The following VPS39 variants were observed in gnomAD, a reference collection of about 807,000 sequenced individuals.
VPS39 encodes VPS39 subunit of HOPS complex.
VPS39 carries 70 observed loss-of-function variants against 121.0 expected under a neutral mutation model. The ratio of observed to expected loss-of-function variants is 0.58; its 90% confidence interval spans 0.48 to 0.71. VPS39 has a LOEUF of 0.71. VPS39 is among the 30% of genes least tolerant of loss of function. The pLI, the probability that VPS39 is intolerant of heterozygous loss-of-function variation, is 0.00. For missense variants in VPS39, 818 were observed against 1,051.5 expected, an observed-to-expected ratio of 0.78 and a Z score of 3.07; for synonymous variants, 378 against 398.1, an observed-to-expected ratio of 0.95 and a Z score of 0.60.
intron 2 of VPS39, among the ~76,000 whole-genome samples, chr15:42,197,396 T>C (rs975646011): frequency 2.4e-5 from 3 of 125,410 alleles, no homozygotes; most frequent in Non-Finnish European, 5.3e-5. Context: ...AAAAAAAAGA[T>C]ACAAAAATGG....
chr15:42,195,125 C>T lies in VPS39; in HGVS notation c.140-3565G>A, dbSNP rs115510394. ...GTAAAGGCCTCAGACATGAACAAATCTAAGCCCTCTCAGTTCAAAATAAGA... is the reference window on the plus strand; with the variant it reads ...GTAAAGGCCTCAGACATGAACAAATTTAAGCCCTCTCAGTTCAAAATAAGA... On this transcript the variant is annotated intron_variant, in intron 2 of 24. Transcript: ENST00000318006. Among the ~76,000 whole-genome samples the T allele has an allele frequency of 7.1e-3, 1,086 of 152,196 alleles. 11 individuals carry two copies. The highest frequency in any genetic ancestry group is 0.025 in the African/African-American group (1,051 of 41,498).
At chr15:42,161,610 C>A in intron 24 of VPS39, 72 bp downstream of exon 24, 1 of 1,470,472 alleles carries the variant, frequency 6.8e-7, no homozygotes, top group South Asian at 1.1e-5. Flanking sequence ...GGCAGAAATC[C>A]ATCCTGAGCG....
At chr15:42,202,202 G>A (rs546033451) in intron 1 of VPS39, among the ~76,000 whole-genome samples, 1 of 152,292 alleles carries the variant, frequency 6.6e-6, no homozygotes, top group South Asian at 2.1e-4. Flanking sequence ...AAACAGGTCA[G>A]CACCTACATT....
intron 11 of VPS39, among the ~76,000 whole-genome samples, chr15:42,170,957 CT>C (rs1328760633): frequency 6.6e-6 from 1 of 151,934 alleles, no homozygotes; most frequent in Non-Finnish European, 1.5e-5. Context: ...TGGTCTTGAA[CT>C]CCTGGGCTCA....
intron 3 of VPS39, 43 bp from the exon 4 acceptor site, chr15:42,191,210 C>T: frequency 6.2e-7 from 1 of 1,604,432 alleles, no homozygotes; most frequent in Non-Finnish European, 8.5e-7. Flanking sequence ...ACATTTCTGA[C>T]AAGGTTTAGC....
chr15:42,165,945 A>C lies in VPS39; in HGVS notation c.1681-129T>G, dbSNP rs1264680848. ...AGGGTACGAGAAGGCATCTGTAGGC[A>C]GTCAGCATGTCAGACGAGGCACAGG... is the stretch of plus-strand genomic sequence containing the variant. On this transcript the variant is annotated intron_variant, in intron 16 of 24. Transcript: ENST00000318006. 3.1e-6 allele frequency: 3 copies of C among 954,978 alleles called. No homozygotes were observed. The Admixed American group carries it at 6.3e-5, about 20-fold the overall frequency. The allele number at this position is 954,978 out of a possible 1,614,324, so 59.2% of individuals were successfully genotyped here.
chr15:42,163,835 T>C, intron 19 of VPS39, 107 bp from the exon 20 acceptor site: 1 of 724,182 alleles, frequency 1.4e-6, no homozygotes, highest in Non-Finnish European at 2.3e-6. Context: ...GGGAAGACAA[T>C]AGGATTCTTA....
chr15:42,166,993 G>A, intron 13 of VPS39, 80 bp from the exon 14 acceptor site: 1 of 1,572,712 alleles, frequency 6.4e-7, no homozygotes, highest in South Asian at 1.2e-5. Flanking sequence ...GCTCTAGGCT[G>A]AAAGGCCAGG....
chr15:42,195,138 G>A (rs1041159472), intron 2 of VPS39, among the ~76,000 whole-genome samples: 2 of 152,134 alleles, frequency 1.3e-5, no homozygotes, highest in African/African-American at 4.8e-5. Context: ...AGCCCTCTCA[G>A]TTCAAAATAA....
intron 1 of VPS39, among the ~76,000 whole-genome samples, chr15:42,204,242 A>T (rs374444627): frequency 6.6e-6 from 1 of 152,272 alleles, no homozygotes; most frequent in East Asian, 1.9e-4. Flanking sequence ...TAAGCCCCCA[A>T]TTAGCTGCAT....
At chr15:42,164,564 T>C in intron 18 of VPS39, 78 bp from the exon 19 acceptor site, 1 of 1,571,672 alleles carries the variant, frequency 6.4e-7, no homozygotes, top group South Asian at 1.2e-5. Flanking sequence ...ATGAAGGGAA[T>C]GGGGTTCAAG....
At chr15:42,184,400 G>A (rs2049655481) in intron 8 of VPS39, 117 bp downstream of exon 8, 7 of 1,074,862 alleles carry the variant, frequency 6.5e-6, no homozygotes, top group Non-Finnish European at 7.7e-6. Flanking sequence ...AAGGGGAACT[G>A]AAAGTGAATG....
chr15:42,188,227 C>G (rs1173161011), intron 5 of VPS39, among the ~76,000 whole-genome samples: 1 of 152,110 alleles, frequency 6.6e-6, no homozygotes, highest in African/African-American at 2.4e-5. Context: ...TGACCATGTG[C>G]CAGTGACATC....
intron 19 of VPS39, 69 bp downstream of exon 19, chr15:42,164,289 T>C: frequency 1.3e-6 from 2 of 1,589,608 alleles, no homozygotes; most frequent in South Asian, 1.1e-5. Flanking sequence ...TGGGGAACAA[T>C]TAAAGGGGTG....
intron 1 of VPS39, among the ~76,000 whole-genome samples, chr15:42,200,735 A>C (rs887411331): frequency 1.3e-5 from 2 of 152,260 alleles, no homozygotes; most frequent in African/African-American, 4.8e-5. Flanking sequence ...CATATTCTAC[A>C]CAAAAACTTG....
rs2050220884 is a variant in VPS39, at chr15:42,208,270, A to G, written c.-117T>C. On this transcript the variant is annotated 5_prime_UTR_variant, in exon 1 of 25. An upstream open reading frame in the 5' UTR loses its in-frame stop. Transcript: ENST00000318006. The stretch of plus-strand genomic sequence containing the variant: ...GGATCCGGCCAGGAACCCCCCGGCT[A>G]CAGGCCCTTCAACAACACAGCCATC... 7.4e-7 allele frequency: 1 copy of G among 1,359,982 alleles called. No individual in the cohort carries two copies. The highest frequency in any genetic ancestry group is 2.6e-5 in the East Asian group (1 of 39,212). The allele number at this position is 1,359,982 out of a possible 1,614,324, so 84.2% of individuals were successfully genotyped here.
At position 42,184,705 on chromosome 15, in the gene VPS39, A is replaced by G. The variant is rs769783087; in HGVS notation, c.535-5T>C. ...GATGGACCCCTTTCCATCCACCTAT[A>G]GGAAGAAACAGAGTGAGTCACCTAG... On this transcript the variant is annotated splice_polypyrimidine_tract_variant and splice_region_variant and intron_variant, in intron 7 of 24. Transcript: ENST00000318006. 10 of 1,605,732 alleles carry G rather than the reference A, an allele frequency of 6.2e-6. No individual in the cohort carries two copies. The highest frequency in any genetic ancestry group is 8.5e-6 in the Non-Finnish European group (10 of 1,176,126).
chr15:42,190,301 ACCTGGG>A (rs899656418), intron 4 of VPS39, among the ~76,000 whole-genome samples: 16 of 152,308 alleles, frequency 1.1e-4, no homozygotes, highest in Admixed American at 9.2e-4. Context: ...TAATCATTTT[ACCTGGG>A]CCTCATATCT....
chr15:42,161,340 G>T, intron 24 of VPS39: 2 of 415,428 alleles, frequency 4.8e-6, no homozygotes, highest in South Asian at 2.1e-5. Flanking sequence ...TAGCTTGAAA[G>T]ATCTTTTTCT....
Sources: allele counts gnomAD v4.1 joint callset (sites outside exome capture counted in the v4.1 genomes callset), GRCh38; gene constraint gnomAD v4.1.1; transcripts MANE v1.5; gene names NCBI Gene and HGNC (gene_info 2026-07-23, HGNC 2026-07-21).